Variants in CPM observed in about 807,000 individuals in gnomAD.
The protein encoded by CPM is carboxypeptidase M.
A neutral mutation model predicts 46.4 loss-of-function variants in CPM; 35 were observed. The observed-to-expected ratio is 0.75, with a 90% confidence interval of 0.58 to 1.00. The LOEUF is 1.00. CPM is among the 50% of genes least tolerant of loss of function. The probability of loss-of-function intolerance (pLI) is 0.00; values close to 1 mark genes in which losing one functional copy is unlikely to be tolerated. For missense variants in CPM, 422 were observed against 530.4 expected (o/e 0.80, Z 2.01); for synonymous variants, 195 against 195.3 (o/e 1.00, Z 0.01).
chr12:68,932,198 A>T (rs368257690), intron 2 of CPM, among the ~76,000 whole-genome samples: 1 of 152,244 alleles, frequency 6.6e-6, no homozygotes, highest in East Asian at 1.9e-4. Context: ...GTTTTGCATA[A>T]CTTTAAATAA....
At chr12:68,950,134 C>T (rs1373789129) in intron 1 of CPM, among the ~76,000 whole-genome samples, 1 of 152,052 alleles carries the variant, frequency 6.6e-6, no homozygotes, top group Non-Finnish European at 1.5e-5. Context: ...GGGCTGGTTC[C>T]TCAGAGGGAA....
chr12:68,844,762 T>C (rs1466860699), intron 5 of CPM: 5 of 206,508 alleles, frequency 2.4e-5, no homozygotes, highest in Non-Finnish European at 4.9e-5. Context: ...ATAAGGGTTT[T>C]ATTTTATTTT....
At chr12:68,884,110 G>GAAAAAA (rs35514888) in intron 3 of CPM, among the ~76,000 whole-genome samples, 2 of 63,878 alleles carry the variant, frequency 3.1e-5, no homozygotes, top group African/African-American at 6.2e-5. Flanking sequence ...AATTCCATCG[G>GAAAAAA]AAAAAAAAAA....
intron 2 of CPM, among the ~76,000 whole-genome samples, chr12:68,890,645 G>A (rs879776153): frequency 6.6e-6 from 1 of 152,242 alleles, no homozygotes; most frequent in Non-Finnish European, 1.5e-5. Context: ...AAGTCCCCAG[G>A]CAGTTCTTTC....
chr12:68,962,209 A>AAC (rs200459270), intron 1 of CPM, among the ~76,000 whole-genome samples: 9 of 78,584 alleles, frequency 1.1e-4, no homozygotes, highest in Admixed American at 7.0e-4. Flanking sequence ...CAAAAAAAAA[A>AAC]AAAAAAAAAC....
chr12:68,884,857 G>A (rs1433469782), intron 3 of CPM, among the ~76,000 whole-genome samples: 1 of 152,214 alleles, frequency 6.6e-6, no homozygotes, highest in Non-Finnish European at 1.5e-5. Flanking sequence ...GTGGTAAATG[G>A]TATTTTGTAG....
chr12:68,922,550 C>T (rs1888079318), intron 2 of CPM, among the ~76,000 whole-genome samples: 1 of 151,856 alleles, frequency 6.6e-6, no homozygotes, highest in South Asian at 2.1e-4. Flanking sequence ...TAGTTATCTT[C>T]AACTCCGGGT....
upstream of CPM, among the ~76,000 whole-genome samples, chr12:68,937,366 T>C (rs112065623): frequency 0.016 from 2,416 of 152,266 alleles, 63 homozygotes; most frequent in African/African-American, 0.055. Flanking sequence ...TCTTGAGACA[T>C]TTTTGATTGT....
At chr12:68,934,698 T>C (rs953577636), upstream of CPM, among the ~76,000 whole-genome samples, 1 of 152,106 alleles carries the variant, frequency 6.6e-6, no homozygotes, top group African/African-American at 2.4e-5. Flanking sequence ...ACGGGATGAG[T>C]GCCAATTCTT....
chr12:68,875,552 T>A (rs896021813), intron 3 of CPM, among the ~76,000 whole-genome samples: 4 of 152,078 alleles, frequency 2.6e-5, no homozygotes, highest in African/African-American at 9.7e-5. Flanking sequence ...ATTCCTATAA[T>A]CCCAGCACTT....
At chr12:68,916,888 CAAAA>C (rs779418018) in intron 2 of CPM, among the ~76,000 whole-genome samples, 4 of 82,138 alleles carry the variant, frequency 4.9e-5, no homozygotes, top group Non-Finnish European at 1.1e-4. Flanking sequence ...ACTCTTGTCT[CAAAA>C]AAAAAAAAAA....
chr12:68,954,008 CT>C (rs1287880552), intron 1 of CPM, among the ~76,000 whole-genome samples: 3 of 152,086 alleles, frequency 2.0e-5, no homozygotes, highest in African/African-American at 7.2e-5. Flanking sequence ...TTTTGTTAGG[CT>C]TTTTTTACAA....
intron 1 of CPM, among the ~76,000 whole-genome samples, chr12:68,957,875 T>C (rs1240739774): frequency 7.0e-6 from 1 of 142,964 alleles, no homozygotes; most frequent in Non-Finnish European, 1.5e-5. Flanking sequence ...CAGTGTGTGA[T>C]GTTCCCCGCC....
In CPM at chr12:68,867,117, G is replaced by A. The variant is rs974992765; in HGVS notation, c.788-69C>T. 1.4e-5 allele frequency: 21 copies of A among 1,462,974 alleles called. No homozygotes were observed. The East Asian group carries it at 1.6e-4, about 11-fold the overall frequency. 90.6% of individuals were successfully genotyped at this position (1,462,974 alleles called of 1,614,324 possible). A position where few individuals can be genotyped will look rare whatever the true frequency, so the allele number is the denominator to read the frequency against. On this transcript the variant is annotated intron_variant, in intron 6 of 8. Transcript: ENST00000551568. ...AGTGGAGCCAAGTATCACGTGCCTC[G>A]GGGACAAATGAATCAGACAGCTACA...
downstream of CPM, chr12:68,849,960 T>C (rs1884587927): frequency 6.6e-6 from 1 of 151,850 alleles, no homozygotes; most frequent in South Asian, 2.1e-4. Context: ...AGAGAAATAA[T>C]AGTTCTATTC....
intron 1 of CPM, among the ~76,000 whole-genome samples, chr12:68,944,503 A>G (rs1172598664): frequency 6.6e-6 from 1 of 152,174 alleles, no homozygotes; most frequent in Non-Finnish European, 1.5e-5. Context: ...TTCTGGGCTT[A>G]AGCAATCCTC....
At chr12:68,943,398 T>A (rs1200096360) in intron 1 of CPM, among the ~76,000 whole-genome samples, 2 of 152,200 alleles carry the variant, frequency 1.3e-5, no homozygotes, top group African/African-American at 4.8e-5. Context: ...ATTTTTATTA[T>A]TATTACCATC....
intron 1 of CPM, among the ~76,000 whole-genome samples, chr12:68,953,341 A>G (rs1233804322): frequency 2.0e-5 from 3 of 151,966 alleles, no homozygotes; most frequent in Admixed American, 6.6e-5. Context: ...ATTTCCGTGC[A>G]TGGAATATTC....
intron 8 of CPM, among the ~76,000 whole-genome samples, chr12:68,858,412 A>G (rs1237995056): frequency 3.9e-5 from 6 of 152,220 alleles, no homozygotes; most frequent in Admixed American, 3.3e-4. Context: ...TTAAAGACTG[A>G]AATTTTACTT....
Sources: gnomAD v4.1 joint callset for allele counts (sites outside exome capture counted in the v4.1 genomes callset) on GRCh38, gnomAD v4.1.1 for gene constraint, MANE v1.5 for transcripts, NCBI Gene and HGNC (gene_info 2026-07-23, HGNC 2026-07-21) for gene names.